The following MIGA1 variants were observed in gnomAD, a reference collection of about 807,000 sequenced individuals.
MIGA1 encodes the protein family with sequence similarity 73, member A.
Under a neutral mutation model 82.0 loss-of-function variants are expected in MIGA1, and 58 were observed. The observed-to-expected ratio is 0.71, with a 90% CI of 0.57 to 0.88. The LOEUF (loss-of-function observed/expected upper bound fraction) is 0.88. Among genes scored for constraint, MIGA1 ranks in the 40% least tolerant of loss-of-function variants. MIGA1 has a pLI of 0.00. For missense variants in MIGA1, 751 were observed against 749.1 expected (o/e 1.00, Z -0.03); for synonymous variants, 249 against 253.6 (o/e 0.98, Z 0.17).
chr1:77,853,526 A>G (rs1393298464), intron 8 of MIGA1: 2 of 162,592 alleles, frequency 1.2e-5, no homozygotes, highest in Non-Finnish European at 1.3e-5. Context: ...TCCAGGAGTT[A>G]GATACCAGCC....
At chr1:77,807,307 G>A (rs12405797) in intron 5 of MIGA1, among the ~76,000 whole-genome samples, 2,947 of 152,104 alleles carry the variant, frequency 0.019, 114 homozygotes, top group Admixed American at 0.11. Context: ...GACCACAGGC[G>A]CATACCACCA....
intron 8 of MIGA1, chr1:77,848,181 G>A: frequency 7.0e-7 from 1 of 1,437,384 alleles, no homozygotes; most frequent in Non-Finnish European, 9.8e-7. Flanking sequence ...CAGGAGACCA[G>A]TCATAGAGAT....
chr1:77,814,688 A>G (rs77770497), intron 6 of MIGA1, among the ~76,000 whole-genome samples: 3,910 of 151,830 alleles, frequency 0.026, 127 homozygotes, highest in African/African-American at 0.09. Flanking sequence ...GTGGTTCTCA[A>G]ACTTGAGAAT....
In MIGA1 at chr1:77,813,952, C is replaced by T. The variant is rs367744866; in HGVS notation, c.771+85C>T. ...TTTTTTTGGTAGAGGTAGGGTCTCA[C>T]TGTTGTTACCCAGGCTGAGTCTTGA... On this transcript the variant is annotated intron_variant, in intron 6 of 15. Coordinates refer to ENST00000370791, the MANE Select transcript of MIGA1 (RefSeq NM_198549.4). The T allele has an allele frequency of 1.9e-5, 27 of 1,410,096 alleles. No individual in the cohort carries two copies. In the South Asian group the frequency reaches 3.1e-4, roughly 16 times the overall value. 87.3% of individuals were successfully genotyped at this position (1,410,096 alleles called of 1,614,324 possible).
At position 77,858,943 on chromosome 1, in the gene MIGA1, A is replaced by C; in HGVS notation, c.1002A>C (p.Ala334=). The C allele has an allele frequency of 6.2e-7, 1 of 1,603,490 alleles. No individual in the cohort carries two copies. Among genetic ancestry groups the C allele is most frequent in the East Asian group, 2.2e-5 (1 of 44,826 alleles). The change falls in exon 9 of 16, where the codon GCA becomes GCC. Residue 334 remains alanine (A), a synonymous_variant. Transcript: ENST00000370791. ...CTAACCCACCGTGCTCTTAGCTTGCAGAACACAGAGAAGTACGGCATACCT... is the reference window on the plus strand; with the variant it reads ...CTAACCCACCGTGCTCTTAGCTTGCCGAACACAGAGAAGTACGGCATACCT...
chr1:77,782,022 C>T (rs1475382961), intron 1 of MIGA1, among the ~76,000 whole-genome samples: 1 of 151,544 alleles, frequency 6.6e-6, no homozygotes, highest in Non-Finnish European at 1.5e-5. Context: ...CAGGGTTTCA[C>T]CATGTTTCCC....
intron 13 of MIGA1, among the ~76,000 whole-genome samples, chr1:77,865,524 C>T (rs1224307854): frequency 2.0e-5 from 3 of 151,674 alleles, no homozygotes; most frequent in African/African-American, 2.4e-5. Flanking sequence ...GCCTTGGAGG[C>T]GGAGGTTGCA....
intron 4 of MIGA1, 141 bp from the exon 5 acceptor site, chr1:77,806,834 T>A: frequency 5.3e-6 from 3 of 567,398 alleles, no homozygotes; most frequent in Non-Finnish European, 6.0e-6. Flanking sequence ...TTGATTATCA[T>A]CAGAATTATT....
intron 2 of MIGA1, among the ~76,000 whole-genome samples, chr1:77,786,840 T>C (rs1203098923): frequency 6.6e-6 from 1 of 152,252 alleles, no homozygotes; most frequent in African/African-American, 2.4e-5. Context: ...TTTGAACCTC[T>C]GCCTGTTATC....
intron 7 of MIGA1, among the ~76,000 whole-genome samples, chr1:77,834,475 C>T (rs1269853684): frequency 1.3e-5 from 2 of 152,116 alleles, no homozygotes; most frequent in East Asian, 1.9e-4. Flanking sequence ...TGCACCTGCC[C>T]CAAGTTCTCT....
chr1:77,866,822 C>T (rs886909785), intron 14 of MIGA1, among the ~76,000 whole-genome samples: 5 of 151,198 alleles, frequency 3.3e-5, no homozygotes, highest in African/African-American at 9.7e-5. Context: ...TAGCTGGGAC[C>T]GTAGGTGCCA....
intron 7 of MIGA1, among the ~76,000 whole-genome samples, chr1:77,829,888 A>G (rs12734154): frequency 3.0e-5 from 2 of 66,666 alleles, no homozygotes; most frequent in East Asian, 9.9e-4. Context: ...AAGCCCCCCC[A>G]CCCCCCACCG....
At chr1:77,853,736 C>A in intron 8 of MIGA1, 1 of 320,590 alleles carries the variant, frequency 3.1e-6, no homozygotes, top group South Asian at 3.4e-5. Flanking sequence ...AGGCATCATG[C>A]TTCCAGAAAA....
chr1:77,813,924 T>C, intron 6 of MIGA1, 57 bp downstream of exon 6: 1 of 1,592,512 alleles, frequency 6.3e-7, no homozygotes, highest in African/African-American at 1.4e-5. Context: ...AACTTTTTTT[T>C]TGTTTTTTTG....
chr1:77,806,239 G>T (rs142333468), intron 4 of MIGA1, among the ~76,000 whole-genome samples: 1 of 152,152 alleles, frequency 6.6e-6, no homozygotes, highest in Non-Finnish European at 1.5e-5. Flanking sequence ...AAACACAATG[G>T]TATTTGTGTA....
intron 3 of MIGA1, 83 bp downstream of exon 3, chr1:77,801,591 G>T (rs1682887446): frequency 8.6e-7 from 1 of 1,166,610 alleles, no homozygotes; most frequent in Non-Finnish European, 1.2e-6. Context: ...TTAGTCTCCA[G>T]AATTTTCTTC....
chr1:77,809,914 A>G (rs1055049852), intron 5 of MIGA1, among the ~76,000 whole-genome samples: 1 of 151,660 alleles, frequency 6.6e-6, no homozygotes, highest in African/African-American at 2.4e-5. Flanking sequence ...TAAAAAAAAT[A>G]GAATATCTTT....
At chr1:77,868,476 C>T (rs962055544) in intron 14 of MIGA1, 1 of 152,280 alleles carries the variant, frequency 6.6e-6, no homozygotes, top group Non-Finnish European at 1.5e-5. Context: ...ATCCACCTGC[C>T]TTGGCCTCCC....
At chr1:77,811,645 G>T in intron 5 of MIGA1, 1 of 1,612,010 alleles carries the variant, frequency 6.2e-7, no homozygotes, top group Non-Finnish European at 8.5e-7. Flanking sequence ...TTGAGCTTGG[G>T]CCTCCTTTTG....
Sources: gnomAD v4.1 joint callset for allele counts (sites outside exome capture counted in the v4.1 genomes callset) on GRCh38, gnomAD v4.1.1 for gene constraint, MANE v1.5 for transcripts, NCBI Gene and HGNC (gene_info 2026-07-23, HGNC 2026-07-21) for gene names.